HDAC4: variants seen among roughly 807,000 people sequenced by gnomAD.
HDAC4 encodes histone deacetylase A.
Under a neutral mutation model 135.1 loss-of-function variants are expected in HDAC4, and 16 were observed. That is an observed-to-expected ratio of 0.12 (90% CI 0.08 to 0.18). The LOEUF (loss-of-function observed/expected upper bound fraction) is 0.18, where lower values mean the gene tolerates loss of function less well. HDAC4 is among the 10% of genes least tolerant of loss of function. The pLI, the probability that HDAC4 is intolerant of heterozygous loss-of-function variation, is 1.00. For missense variants in HDAC4, 1,143 were observed against 1,511.8 expected, an observed-to-expected ratio of 0.76 and a Z score of 4.05; for synonymous variants, 685 against 653.4, an observed-to-expected ratio of 1.05 and a Z score of -0.74.
chr2:239,390,423 A>C (rs1482560488), intron 1 of HDAC4, among the ~76,000 whole-genome samples: 1 of 152,206 alleles, frequency 6.6e-6, no homozygotes, highest in Non-Finnish European at 1.5e-5. Flanking sequence ...GGTTCCAGCT[A>C]ATCAGGCAGC....
intron 3 of HDAC4, among the ~76,000 whole-genome samples, chr2:239,218,310 A>G (rs909822310): frequency 5.9e-5 from 9 of 151,996 alleles, no homozygotes; most frequent in South Asian, 2.1e-4. Context: ...CAGAAATAAC[A>G]CCGCATATCT....
Position 239,325,034 on chromosome 2 carries a change from C to T in HDAC4, c.22+27644G>A, listed in dbSNP as rs562940253. 3.3e-5 allele frequency among the ~76,000 whole-genome samples: 5 copies of T among 152,294 alleles called. 1 individual carries two copies. In the South Asian group the frequency reaches 1.0e-3, roughly 32 times the overall value. ...CAAATGGTGCTGGACCATCAAATTG[C>T]CACAGGCAAAGGAATGAAGTTGAAC... On this transcript the variant is annotated intron_variant, in intron 2 of 26. Coordinates refer to ENST00000543185, the MANE Select transcript of HDAC4 (RefSeq NM_001378414.1).
chr2:239,364,899 C>T (rs879569199), intron 1 of HDAC4, among the ~76,000 whole-genome samples: 5 of 152,114 alleles, frequency 3.3e-5, no homozygotes, highest in Admixed American at 6.5e-5. Context: ...CTCGCAGAAA[C>T]GGAAAAGAAT....
intron 2 of HDAC4, among the ~76,000 whole-genome samples, chr2:239,284,539 T>G (rs1365411438): frequency 1.3e-5 from 2 of 152,246 alleles, no homozygotes; most frequent in African/African-American, 4.8e-5. Flanking sequence ...CCAGGTGACA[T>G]GCATGAAAGC....
chr2:239,272,131 G>T (rs1407709295), intron 2 of HDAC4, among the ~76,000 whole-genome samples: 1 of 152,190 alleles, frequency 6.6e-6, no homozygotes, highest in African/African-American at 2.4e-5. Flanking sequence ...GCAGAAGCTG[G>T]CTGGGCAATA....
chr2:239,067,684 G>A (rs1428552902), intron 23 of HDAC4, among the ~76,000 whole-genome samples: 1 of 152,180 alleles, frequency 6.6e-6, no homozygotes, highest in African/African-American at 2.4e-5. Context: ...GACTGTGGGA[G>A]GCCCCAGGGG....
chr2:239,297,027 T>TTA (rs2051941880), intron 2 of HDAC4, among the ~76,000 whole-genome samples: 1 of 118,230 alleles, frequency 8.5e-6, no homozygotes, highest in South Asian at 2.8e-4. Context: ...TGTTTTCATG[T>TTA]AAAAAAAAAA....
chr2:239,222,742 C>T (rs2047031616), intron 3 of HDAC4, among the ~76,000 whole-genome samples: 1 of 152,144 alleles, frequency 6.6e-6, no homozygotes, highest in African/African-American at 2.4e-5. Context: ...GAAACAATAA[C>T]AAAAAACTAA....
At position 239,208,252 on chromosome 2, in the gene HDAC4, G is replaced by A. The variant is rs565030951; in HGVS notation, c.95-18175C>T. On this transcript the variant is annotated intron_variant, in intron 3 of 26. Transcript: ENST00000543185. ...CGAGGCAGGAGAATGGCGTGAACCC[G>A]GGAGGCGGAGCCTGCAGTGAGCCGA... Among the ~76,000 whole-genome samples, 402 of 150,032 alleles carry A rather than the reference G, an allele frequency of 2.7e-3. 2 individuals are homozygous for A. The highest frequency in any genetic ancestry group is 3.9e-3 in the Non-Finnish European group (266 of 67,664).
At chr2:239,168,966 C>A (rs1052861373) in intron 5 of HDAC4, among the ~76,000 whole-genome samples, 2 of 152,168 alleles carry the variant, frequency 1.3e-5, no homozygotes, top group African/African-American at 4.8e-5. Flanking sequence ...GGGTGGACGG[C>A]GCTTCGGATG....
At chr2:239,166,840 A>G (rs2043148729) in intron 5 of HDAC4, among the ~76,000 whole-genome samples, 1 of 152,268 alleles carries the variant, frequency 6.6e-6, no homozygotes, top group Non-Finnish European at 1.5e-5. Flanking sequence ...GGAGAAGGCA[A>G]ATTTGCCAAT....
At chr2:239,117,679 T>C (rs1000811767) in intron 12 of HDAC4, among the ~76,000 whole-genome samples, 1 of 151,766 alleles carries the variant, frequency 6.6e-6, no homozygotes, top group African/African-American at 2.4e-5. Context: ...TGCATTCCTC[T>C]GCAGACTGTG....
At chr2:239,208,979 C>T (rs1336283353) in intron 3 of HDAC4, among the ~76,000 whole-genome samples, 2 of 152,296 alleles carry the variant, frequency 1.3e-5, no homozygotes, top group African/African-American at 2.4e-5. Flanking sequence ...ACCTCCTGGG[C>T]GATCCTCCCA....
chr2:239,234,750 C>T (rs551806079), intron 3 of HDAC4, among the ~76,000 whole-genome samples: 1 of 152,316 alleles, frequency 6.6e-6, no homozygotes, highest in African/African-American at 2.4e-5. Flanking sequence ...GGCCTGTCCT[C>T]ACACCAGGCA....
rs896321506 is a variant in HDAC4 at position 239,303,079 on chromosome 2, C to G, written c.22+49599G>C. Among the ~76,000 whole-genome samples, 5 of 152,196 alleles carry G rather than the reference C, an allele frequency of 3.3e-5. No individual in the cohort carries two copies. Among genetic ancestry groups the G allele is most frequent in the Non-Finnish European group, 5.9e-5 (4 of 68,020 alleles). On this transcript the variant is annotated intron_variant, in intron 2 of 26. Transcript: ENST00000543185. The surrounding 1 kb of genome is among the most constrained non-coding windows in gnomAD (Gnocchi z 5.1). ...TGGGAGAGGTCATCACCTCCGCGTACTGAACAGAAGCCCAGCTCAGGGTTC... is the reference window on the plus strand; with the variant it reads ...TGGGAGAGGTCATCACCTCCGCGTAGTGAACAGAAGCCCAGCTCAGGGTTC...
Position 239,309,099 on chromosome 2 carries a change from C to G in HDAC4, c.22+43579G>C, listed in dbSNP as rs1310276225. On this transcript the variant is annotated intron_variant, in intron 2 of 26. Transcript: ENST00000543185. This position sits in a 1 kb window ranked among gnomAD's most constrained non-coding sequence, Gnocchi z 4.2. ...CTTGGTGCTTTACCTTCAGCCCAGA[C>G]TTTCGCTTAATCCCGGAAACTGCTC... 2 of 152,190 alleles carry G rather than the reference C, an allele frequency of 1.3e-5. No individual in the cohort carries two copies. Among genetic ancestry groups the G allele is most frequent in the African/African-American group, 2.4e-5 (1 of 41,444 alleles). The allele number at this position is 152,190 out of a possible 1,614,324, so 9.4% of individuals were successfully genotyped here. A position where few individuals can be genotyped will look rare whatever the true frequency, so the allele number is the denominator to read the frequency against.
chr2:239,206,403 C>T (rs2046052958), intron 3 of HDAC4, among the ~76,000 whole-genome samples: 1 of 151,978 alleles, frequency 6.6e-6, no homozygotes, highest in African/African-American at 2.4e-5. Flanking sequence ...TGCACACACA[C>T]ACACACACAC....
At chr2:239,180,678 G>A (rs1339787830) in intron 4 of HDAC4, among the ~76,000 whole-genome samples, 2 of 152,210 alleles carry the variant, frequency 1.3e-5, no homozygotes, top group East Asian at 3.9e-4. Context: ...ACCTCAAACT[G>A]GCGCTGGCAG....
chr2:239,280,632 G>A (rs887330131), intron 2 of HDAC4, among the ~76,000 whole-genome samples: 1 of 152,184 alleles, frequency 6.6e-6, no homozygotes, highest in Non-Finnish European at 1.5e-5. Flanking sequence ...TCTCTCCCGC[G>A]TGAGGAAGAC....
Sources: allele counts gnomAD v4.1 joint callset (sites outside exome capture counted in the v4.1 genomes callset), GRCh38; gene constraint gnomAD v4.1.1; non-coding constraint Gnocchi (gnomAD v3.1); transcripts MANE v1.5; gene names NCBI Gene and HGNC (gene_info 2026-07-23, HGNC 2026-07-21).